The following KCNH5 variants were observed in gnomAD, a reference collection of about 807,000 sequenced individuals.
KCNH5 encodes voltage-gated delayed rectifier potassium channel KCNH5.
In KCNH5, 46 loss-of-function variants were observed where a neutral mutation model predicts 96.1. The ratio of observed to expected loss-of-function variants is 0.48; its 90% CI spans 0.38 to 0.61. KCNH5 has a LOEUF of 0.61. Ranked by LOEUF, KCNH5 falls within the 20% of genes least tolerant of loss-of-function variation. KCNH5 has a pLI of 0.00. For missense variants in KCNH5, 907 were observed against 1,225.8 expected (o/e 0.74, Z 3.88); for synonymous variants, 439 against 449.8 (o/e 0.98, Z 0.30).
intron 10 of KCNH5, among the ~76,000 whole-genome samples, chr14:62,730,506 A>G (rs1885026200): frequency 6.6e-6 from 1 of 152,204 alleles, no homozygotes; most frequent in South Asian, 2.1e-4. Context: ...AATCAATAAC[A>G]TACTAATCAA....
At chr14:62,829,545 C>T (rs893882009) in intron 8 of KCNH5, among the ~76,000 whole-genome samples, 10 of 152,194 alleles carry the variant, frequency 6.6e-5, no homozygotes, top group African/African-American at 1.7e-4. Flanking sequence ...CCCTCTGAAG[C>T]AATGGCTCAG....
intron 7 of KCNH5, among the ~76,000 whole-genome samples, chr14:62,886,121 GAC>G (rs58900799): frequency 0.025 from 3,683 of 147,854 alleles, 76 homozygotes; most frequent in African/African-American, 0.058. Context: ...ACCTGCAGAG[GAC>G]ACACACACAC....
chr14:62,813,080 A>T (rs12589152), intron 8 of KCNH5, among the ~76,000 whole-genome samples: 46,874 of 152,014 alleles, frequency 0.31, 7,659 homozygotes, highest in African/African-American at 0.4. Context: ...TTTTTAGAAG[A>T]AAAATTAGTA....
chr14:62,867,767 A>C, intron 7 of KCNH5, among the ~76,000 whole-genome samples: 1 of 152,226 alleles, frequency 6.6e-6, no homozygotes, highest in East Asian at 1.9e-4. Flanking sequence ...CACTGGCCCC[A>C]TGGATTCCTG....
At chr14:62,729,236 C>A (rs1338870277) in intron 10 of KCNH5, among the ~76,000 whole-genome samples, 1 of 152,138 alleles carries the variant, frequency 6.6e-6, no homozygotes, top group African/African-American at 2.4e-5. Flanking sequence ...ACAGCTATAG[C>A]TTGATTAATA....
chr14:62,742,140 G>C (rs1885283511), intron 10 of KCNH5, among the ~76,000 whole-genome samples: 1 of 152,040 alleles, frequency 6.6e-6, no homozygotes, highest in Admixed American at 6.6e-5. Flanking sequence ...AGAAGCTTCG[G>C]ATAACTAACG....
chr14:62,979,710 T>C (rs1890570353), intron 6 of KCNH5, among the ~76,000 whole-genome samples: 1 of 152,204 alleles, frequency 6.6e-6, no homozygotes, highest in Admixed American at 6.5e-5. Flanking sequence ...ATATTATGAA[T>C]TGAAATTACT....
intron 7 of KCNH5, among the ~76,000 whole-genome samples, chr14:62,897,583 T>C (rs928983222): frequency 6.6e-6 from 1 of 152,104 alleles, no homozygotes; most frequent in African/African-American, 2.4e-5. Context: ...TTGTCTTAGC[T>C]CTACCATGGC....
At chr14:62,892,473 G>A (rs1050951876) in intron 7 of KCNH5, among the ~76,000 whole-genome samples, 7 of 152,340 alleles carry the variant, frequency 4.6e-5, no homozygotes, top group Admixed American at 2.6e-4. Flanking sequence ...TGAAGCAAGT[G>A]CTGATGAAGA....
chr14:63,044,251 T>C (rs1235364670), intron 1 of KCNH5, among the ~76,000 whole-genome samples: 1 of 152,256 alleles, frequency 6.6e-6, no homozygotes. Context: ...TTCAGTAAGA[T>C]GCAAAGTTTA....
At position 63,045,406 on chromosome 14, in the gene KCNH5, C is replaced by G. The variant is rs1014636075; in HGVS notation, c.-220G>C. On this transcript the variant is annotated 5_prime_UTR_variant, in exon 1 of 11. Transcript: ENST00000322893. ...GCAGTTCATGGTAGTAGCGCTCCCC[C>G]GGCCGCCGCTGCCCAGACTGTGGCG... The G allele has an allele frequency of 3.0e-5, 17 of 567,278 alleles. No individual in the cohort carries two copies. Among genetic ancestry groups the G allele is most frequent in the Non-Finnish European group, 3.2e-5 (10 of 315,202 alleles). The allele number at this position is 567,278 out of a possible 1,614,324, so 35.1% of individuals were successfully genotyped here. A position where few individuals can be genotyped will look rare whatever the true frequency, so the allele number is the denominator to read the frequency against.
intron 7 of KCNH5, among the ~76,000 whole-genome samples, chr14:62,909,065 A>G (rs1169048216): frequency 5.1e-5 from 2 of 39,194 alleles, no homozygotes; most frequent in African/African-American, 1.0e-4. Flanking sequence ...TTTTTTTTTG[A>G]GACGGAATCT....
chr14:63,028,035 T>C (rs1019178961), intron 1 of KCNH5, among the ~76,000 whole-genome samples: 4 of 152,082 alleles, frequency 2.6e-5, no homozygotes. Context: ...TAAATCAATT[T>C]CATAGCCCAA....
At chr14:62,853,462 T>TATATATATATATATATATATATC (rs1325630757) in intron 7 of KCNH5, among the ~76,000 whole-genome samples, 4 of 121,174 alleles carry the variant, frequency 3.3e-5, no homozygotes, top group African/African-American at 6.3e-5. Context: ...TAATCATATA[T>TATATATATATATATATATATATC]ATATATATAT....
chr14:62,894,323 G>C (rs1260623037), intron 7 of KCNH5, among the ~76,000 whole-genome samples: 1 of 152,156 alleles, frequency 6.6e-6, no homozygotes, highest in Non-Finnish European at 1.5e-5. Flanking sequence ...AAGTATTAAA[G>C]AGGAGAGATC....
intron 9 of KCNH5, among the ~76,000 whole-genome samples, chr14:62,785,921 G>A (rs1053913467): frequency 6.6e-6 from 1 of 152,270 alleles, no homozygotes; most frequent in Non-Finnish European, 1.5e-5. Flanking sequence ...GGCAGGGCAC[G>A]GTGGCTCATG....
rs573454484 is a variant in KCNH5, at chr14:62,956,284, G to A, written c.943-5725C>T. ...GTATATACTGTATGATTCCATTTCT[G>A]AAGAGTTCAGAAACAGATGGAACTA... On this transcript the variant is annotated intron_variant, in intron 6 of 10. Transcript: ENST00000322893. Among the ~76,000 whole-genome samples the A allele has an allele frequency of 5.3e-5, 8 of 152,174 alleles. 1 individual carries two copies. In the East Asian group the frequency reaches 1.5e-3, roughly 29 times the overall value.
rs149561461 is a variant in KCNH5 at position 62,802,572 on chromosome 14, T to C, written c.1579A>G (p.Ile527Val). 1.9e-6 allele frequency: 3 copies of C among 1,613,654 alleles called. No homozygotes were observed. The highest frequency in any genetic ancestry group is 2.2e-5 in the East Asian group (1 of 44,846). ...KGIDTEKVLS[I>V]CPKDMRADIC... is the part of the protein sequence containing the mutation. ...TCAGCTCTCATGTCCTTGGGACAGA[T>C]GGAGAGGACCTAAAGAAGGTGAGAG... is the stretch of plus-strand genomic sequence containing the variant. Residue 527 changes from isoleucine (I) to valine (V), a missense_variant, in exon 9 of 11, where the codon ATC (isoleucine) becomes GTC (valine). Physicochemically the swap from Ile to Val is conservative, Grantham distance 29. This residue lies in a region of KCNH5 where 95 missense variants were observed against 111.8 expected (regional missense o/e 0.85). Coordinates refer to ENST00000322893, the MANE Select transcript of KCNH5 (RefSeq NM_139318.5).
intron 10 of KCNH5, among the ~76,000 whole-genome samples, chr14:62,748,248 G>A (rs1885420875): frequency 1.3e-5 from 2 of 152,142 alleles, no homozygotes; most frequent in Admixed American, 1.3e-4. Context: ...GGTATATATG[G>A]GGAGATATAG....
Sources: gnomAD v4.1 joint callset for allele counts (sites outside exome capture counted in the v4.1 genomes callset) on GRCh38, gnomAD v4.1.1 for gene constraint, gnomAD v4.1.1 regional missense constraint, MANE v1.5 for transcripts, NCBI Gene and HGNC (gene_info 2026-07-23, HGNC 2026-07-21) for gene names.